CLSTN1: variants seen among roughly 807,000 people sequenced by gnomAD.
The protein encoded by CLSTN1 is calsyntenin-1.
A neutral mutation model predicts 108.3 loss-of-function variants in CLSTN1; 28 were observed. The observed-to-expected ratio is 0.26, with a 90% CI of 0.19 to 0.35. The LOEUF (loss-of-function observed/expected upper bound fraction) is 0.35. Among genes scored for constraint, CLSTN1 ranks in the 10% least tolerant of loss-of-function variants. The probability of loss-of-function intolerance (pLI) is 1.00; values close to 1 mark genes in which losing one functional copy is unlikely to be tolerated. For synonymous variants in CLSTN1, 524 were observed against 534.9 expected (o/e 0.98, Z 0.28); for missense variants, 1,157 against 1,302.6 (o/e 0.89, Z 1.72).
Position 9,773,346 on chromosome 1 carries a change from G to A in CLSTN1, c.140C>T (p.Thr47Ile), listed in dbSNP as rs970750136. ...GAGGAGCACGGTGTTGTCGTTCTCT[G>A]TGACTATGCCGTGGTAGGTGGGCTC... is the stretch of plus-strand genomic sequence containing the variant. ...WLEPTYHGIV[T>I]ENDNTVLLDP... The change falls in exon 2 of 19, where the codon ACA (threonine) becomes ATA (isoleucine). Residue 47 changes from threonine (T) to isoleucine (I), a missense_variant. Physicochemically the swap from Thr to Ile is moderately conservative, Grantham distance 89 (BLOSUM62 -1). Coordinates refer to ENST00000377298, the MANE Select transcript of CLSTN1 (RefSeq NM_001009566.3). 3 of 1,614,140 alleles carry A rather than the reference G, an allele frequency of 1.9e-6. No individual in the cohort carries two copies. The highest frequency in any genetic ancestry group is 2.5e-6 in the Non-Finnish European group (3 of 1,180,002).
intron 1 of CLSTN1, among the ~76,000 whole-genome samples, chr1:9,799,722 C>A (rs1277958159): frequency 6.6e-6 from 1 of 151,812 alleles, no homozygotes; most frequent in Non-Finnish European, 1.5e-5. Flanking sequence ...GCAGGCAGAT[C>A]ATGAGGTCAA....
chr1:9,776,406 G>A (rs182836880), intron 1 of CLSTN1, among the ~76,000 whole-genome samples: 6 of 152,132 alleles, frequency 3.9e-5, no homozygotes, highest in East Asian at 3.9e-4. Context: ...ATAAAATTTC[G>A]GTTTTGTGAG....
At chr1:9,786,082 G>A (rs1046731828) in intron 1 of CLSTN1, among the ~76,000 whole-genome samples, 7 of 152,032 alleles carry the variant, frequency 4.6e-5, no homozygotes, top group African/African-American at 1.2e-4. Flanking sequence ...CCAGCTACTC[G>A]GGAGGCTGAG....
chr1:9,804,385 G>A (rs968577331), intron 1 of CLSTN1, among the ~76,000 whole-genome samples: 2 of 148,530 alleles, frequency 1.3e-5, no homozygotes, highest in African/African-American at 2.5e-5. Flanking sequence ...AAAAAAAGGC[G>A]AGGGTAATAA....
At chr1:9,817,453 G>A (rs569324861) in intron 1 of CLSTN1, among the ~76,000 whole-genome samples, 14 of 151,876 alleles carry the variant, frequency 9.2e-5, no homozygotes, top group South Asian at 6.3e-4. Flanking sequence ...TCAGCCTCCC[G>A]AGTAGCTGGG....
chr1:9,753,190 G>C (rs959433719), intron 4 of CLSTN1, among the ~76,000 whole-genome samples: 3 of 152,172 alleles, frequency 2.0e-5, no homozygotes, highest in Non-Finnish European at 4.4e-5. Context: ...TCCCTGGCAT[G>C]CTCAGTTCAC....
chr1:9,757,285 A>G (rs1168733446), intron 2 of CLSTN1, among the ~76,000 whole-genome samples: 2 of 148,060 alleles, frequency 1.4e-5, no homozygotes, highest in Non-Finnish European at 3.0e-5. Context: ...TCAGTCGCCC[A>G]GACTGGAGTG....
intron 2 of CLSTN1, among the ~76,000 whole-genome samples, chr1:9,765,257 G>A (rs965388503): frequency 5.3e-5 from 8 of 151,906 alleles, no homozygotes; most frequent in South Asian, 2.1e-4. Flanking sequence ...GGTGGCGGGC[G>A]CCTGCAATCC....
At position 9,733,464 on chromosome 1, in the gene CLSTN1, C is replaced by T; in HGVS notation, c.2364G>A (p.Arg788=). The change falls in exon 16 of 19, where the codon CGG becomes CGA. Residue 788 remains arginine, a synonymous_variant. Transcript: ENST00000377298. ...RNWHARSLLD[R]KFKLICSELN... is the part of the protein sequence containing the mutation. ...GCTCTGAGCAGATGAGCTTAAACTT[C>T]CGGTCAAGCAAGGACCTGGCATGCC... 6.2e-7 allele frequency: 1 copy of T among 1,614,192 alleles called. No individual in the cohort carries two copies. The highest frequency in any genetic ancestry group is 8.5e-7 in the Non-Finnish European group (1 of 1,180,038).
At chr1:9,751,766 A>G (rs151066462) in intron 4 of CLSTN1, 85 bp from the exon 5 acceptor site, 33 of 1,173,146 alleles carry the variant, frequency 2.8e-5, no homozygotes, top group South Asian at 9.7e-5. Context: ...TGTTTACCCA[A>G]TTCTGCCCTA....
chr1:9,758,505 G>C (rs1651924440), intron 2 of CLSTN1, among the ~76,000 whole-genome samples: 1 of 150,710 alleles, frequency 6.6e-6, no homozygotes, highest in Non-Finnish European at 1.5e-5. Context: ...GTAGAAATGG[G>C]ATTTCACCAT....
At position 9,764,649 on chromosome 1, in the gene CLSTN1, A is replaced by T. The variant is rs1043021680; in HGVS notation, c.215-8139T>A. On this transcript the variant is annotated intron_variant, in intron 2 of 18. Coordinates refer to ENST00000377298, the MANE Select transcript of CLSTN1 (RefSeq NM_001009566.3). ...GAGGCTCCATCTTTAAAAAAAAAAA[A>T]AAAAAAAAAAAAAAAGTTTCCACAT... 4.2e-3 allele frequency among the ~76,000 whole-genome samples: 628 copies of T among 149,594 alleles called. 4 individuals carry two copies. The highest frequency in any genetic ancestry group is 0.014 in the African/African-American group (561 of 41,066).
At position 9,808,036 on chromosome 1, in the gene CLSTN1, C is replaced by T. The variant is rs60506383; in HGVS notation, c.91+15607G>A. ...CACTCCAATGCCTCCCACCACTCCA[C>T]CTTAACCAGCGCCTCACCGCTGGTT... On this transcript the variant is annotated intron_variant, in intron 1 of 18. Coordinates refer to ENST00000377298, the MANE Select transcript of CLSTN1 (RefSeq NM_001009566.3). 6.2e-4 allele frequency among the ~76,000 whole-genome samples: 94 copies of T among 152,348 alleles called. 2 individuals carry two copies. In the East Asian group the frequency reaches 0.015, roughly 24 times the overall value.
At chr1:9,819,746 G>C (rs953470711) in intron 1 of CLSTN1, among the ~76,000 whole-genome samples, 3 of 152,100 alleles carry the variant, frequency 2.0e-5, no homozygotes, top group Non-Finnish European at 2.9e-5. Flanking sequence ...TTCTTCAGCA[G>C]TTATAGGTCT....
chr1:9,802,236 C>G (rs941517824), intron 1 of CLSTN1, among the ~76,000 whole-genome samples: 2 of 152,168 alleles, frequency 1.3e-5, no homozygotes, highest in Non-Finnish European at 1.5e-5. Flanking sequence ...AACTGAGACC[C>G]AGGACTTTCT....
Position 9,823,750 on chromosome 1 carries a change from G to C in CLSTN1, c.-17C>G, listed in dbSNP as rs2101371069. The C allele has an allele frequency of 9.7e-6, 10 of 1,030,902 alleles. No homozygotes were observed. The highest frequency in any genetic ancestry group is 8.9e-5 in the South Asian group (2 of 22,360). 63.9% of individuals were successfully genotyped at this position (1,030,902 alleles called of 1,614,324 possible). A position where few individuals can be genotyped will look rare whatever the true frequency, so the allele number is the denominator to read the frequency against. ...GCGCAGCATCGCCAGCCCGGGGCGGGAGCGGCAGGGAGGCGCGCGGGACGC... is the reference window on the plus strand; with the variant it reads ...GCGCAGCATCGCCAGCCCGGGGCGGCAGCGGCAGGGAGGCGCGCGGGACGC... On this transcript the variant is annotated 5_prime_UTR_variant, in exon 1 of 19. Transcript: ENST00000377298. The surrounding 1 kb of genome is among the most constrained non-coding windows in gnomAD (Gnocchi z 6.3).
chr1:9,785,917 T>C (rs369576929), intron 1 of CLSTN1, among the ~76,000 whole-genome samples: 19 of 152,120 alleles, frequency 1.2e-4, no homozygotes, highest in African/African-American at 4.6e-4. Context: ...AGGTCATGCC[T>C]GTAATCCCAG....
At chr1:9,773,130 AAAC>A in intron 2 of CLSTN1, 139 bp downstream of exon 2, 1 of 1,157,378 alleles carries the variant, frequency 8.6e-7, no homozygotes, top group East Asian at 2.6e-5. Context: ...AAGGAAAAAA[AAAC>A]ATGCTACAAA....
At position 9,744,377 on chromosome 1, in the gene CLSTN1, G is replaced by T; in HGVS notation, c.1234+18C>A. 1 of 1,593,166 alleles carries T rather than the reference G, an allele frequency of 6.3e-7. No individual in the cohort carries two copies. On this transcript the variant is annotated intron_variant, in intron 8 of 18. Coordinates refer to ENST00000377298, the MANE Select transcript of CLSTN1 (RefSeq NM_001009566.3). The stretch of plus-strand genomic sequence containing the variant: ...TGGACACTGGGGCCTGGCATCGCTT[G>T]CAGAGCTATTACCCTACCTGTTTTA...
Sources: gnomAD v4.1 joint callset for allele counts (sites outside exome capture counted in the v4.1 genomes callset) on GRCh38, gnomAD v4.1.1 for gene constraint, Gnocchi (gnomAD v3.1) non-coding constraint, MANE v1.5 for transcripts, NCBI Gene and HGNC (gene_info 2026-07-23, HGNC 2026-07-21) for gene names.